Variants in SLC9B1 observed in about 807,000 individuals in gnomAD.
SLC9B1 encodes sodium/hydrogen exchanger 9B1.
SLC9B1 carries 32 observed loss-of-function variants against 51.7 expected under a neutral mutation model. The ratio of observed to expected loss-of-function variants is 0.62; its 90% CI spans 0.47 to 0.83. The LOEUF is 0.83. SLC9B1 is among the 40% of genes least tolerant of loss of function. The pLI is 0.00. For synonymous variants in SLC9B1, 145 were observed against 212.7 expected (o/e 0.68, Z 2.77); for missense variants, 406 against 613.2 (o/e 0.66, Z 3.57).
At chr4:102,973,331 A>T (rs1738860795) in intron 3 of SLC9B1, among the ~76,000 whole-genome samples, 1 of 152,176 alleles carries the variant, frequency 6.6e-6, no homozygotes, top group Non-Finnish European at 1.5e-5. Flanking sequence ...AAGACAAAAA[A>T]CATTCTGAGG....
chr4:102,916,987 G>T (rs1044870734), intron 7 of SLC9B1, among the ~76,000 whole-genome samples: 27 of 152,210 alleles, frequency 1.8e-4, no homozygotes, highest in Non-Finnish European at 3.4e-4. Context: ...TCCTCACTGT[G>T]GGTAGGCATC....
At chr4:102,943,932 A>G (rs1578367980) in intron 6 of SLC9B1, among the ~76,000 whole-genome samples, 1 of 152,228 alleles carries the variant, frequency 6.6e-6, no homozygotes, top group South Asian at 2.1e-4. Context: ...ATGCCCATCA[A>G]TGGTGAACTG....
At chr4:102,906,276 A>G (rs773758787) in intron 10 of SLC9B1, 1 of 214,484 alleles carries the variant, frequency 4.7e-6, no homozygotes. Flanking sequence ...ATCGTATCAA[A>G]TATGTTCCCT....
rs996007221 is a variant in SLC9B1, at chr4:102,941,435, G to A, written c.653+3758C>T. ...CATTAGAGAAATGCAAAACAAAACT[G>A]CAGTGAGATACAACCTCACAGGAGG... On this transcript the variant is annotated intron_variant, in intron 6 of 11. Coordinates refer to ENST00000296422, the MANE Select transcript of SLC9B1 (RefSeq NM_139173.4). 42 of 454,314 alleles carry A rather than the reference G, an allele frequency of 9.2e-5. No individual in the cohort carries two copies. The Admixed American group carries it at 9.7e-4, about 10-fold the overall frequency. 28.1% of individuals were successfully genotyped at this position (454,314 alleles called of 1,614,324 possible).
At chr4:103,006,990 C>T (rs765689267) in intron 1 of SLC9B1, among the ~76,000 whole-genome samples, 1 of 152,112 alleles carries the variant, frequency 6.6e-6, no homozygotes, top group Non-Finnish European at 1.5e-5. Context: ...AAAATAATGT[C>T]GTTTATGACA....
At chr4:102,885,552 G>A (rs1008950028) in intron 11 of SLC9B1, 5 of 771,582 alleles carry the variant, frequency 6.5e-6, no homozygotes, top group Non-Finnish European at 1.1e-5. Context: ...GGTATTGAAA[G>A]ACCATATTCC....
intron 7 of SLC9B1, among the ~76,000 whole-genome samples, chr4:102,924,342 C>T (rs1306029292): frequency 2.6e-5 from 4 of 152,112 alleles, no homozygotes; most frequent in African/African-American, 4.8e-5. Flanking sequence ...GCTGGGAAAA[C>T]GGGCTAGCAA....
chr4:102,889,790 T>A (rs1419911627), intron 11 of SLC9B1: 1 of 152,230 alleles, frequency 6.6e-6, no homozygotes, highest in Non-Finnish European at 1.5e-5. Flanking sequence ...CATTACTTCT[T>A]GTAAATTTAC....
intron 1 of SLC9B1, among the ~76,000 whole-genome samples, chr4:103,014,028 CCTT>C: frequency 6.6e-6 from 1 of 152,236 alleles, no homozygotes; most frequent in East Asian, 1.9e-4. Flanking sequence ...ATGGCAACAA[CCTT>C]CTTAATATTC....
chr4:102,996,294 T>A (rs1462163677), intron 1 of SLC9B1, among the ~76,000 whole-genome samples: 4 of 152,200 alleles, frequency 2.6e-5, no homozygotes, highest in Non-Finnish European at 5.9e-5. Context: ...ATGTAAATCT[T>A]TTATTGGATA....
intron 3 of SLC9B1, among the ~76,000 whole-genome samples, chr4:102,975,459 A>T (rs1461764571): frequency 1.3e-5 from 2 of 151,348 alleles, no homozygotes; most frequent in African/African-American, 4.8e-5. Context: ...ACTGACATTA[A>T]TTTCTGCTTT....
At chr4:102,938,274 A>C (rs925961607) in intron 6 of SLC9B1, among the ~76,000 whole-genome samples, 3 of 152,208 alleles carry the variant, frequency 2.0e-5, no homozygotes, top group African/African-American at 7.2e-5. Context: ...AAAAAGACAA[A>C]GAAGGGCACT....
chr4:102,920,108 C>T (rs570095797), intron 7 of SLC9B1, among the ~76,000 whole-genome samples: 72 of 152,340 alleles, frequency 4.7e-4, no homozygotes, highest in African/African-American at 1.5e-3. Context: ...CAAGTGGGTC[C>T]CTGACCCCTG....
chr4:102,912,338 A>C (rs1402534256), intron 7 of SLC9B1, among the ~76,000 whole-genome samples: 1 of 152,182 alleles, frequency 6.6e-6, no homozygotes, highest in Admixed American at 6.5e-5. Flanking sequence ...TCCTAGAAAC[A>C]TTCAAGGGTC....
intron 6 of SLC9B1, among the ~76,000 whole-genome samples, chr4:102,944,720 A>C (rs1462070586): frequency 6.6e-6 from 1 of 152,246 alleles, no homozygotes; most frequent in African/African-American, 2.4e-5. Context: ...TGGATGGTAG[A>C]TAAAGATGGA....
chr4:102,996,107 TGTG>T (rs763860663), intron 1 of SLC9B1, among the ~76,000 whole-genome samples: 2 of 152,308 alleles, frequency 1.3e-5, no homozygotes, highest in East Asian at 1.9e-4. Flanking sequence ...TTTTAACTGT[TGTG>T]GTGACATTGC....
chr4:102,984,829 CT>C (rs1739532202), intron 3 of SLC9B1, among the ~76,000 whole-genome samples: 1 of 151,956 alleles, frequency 6.6e-6, no homozygotes, highest in Non-Finnish European at 1.5e-5. Context: ...TCTCTTTCTC[CT>C]TATAGTTTTG....
intron 7 of SLC9B1, among the ~76,000 whole-genome samples, chr4:102,916,763 A>T (rs1430159629): frequency 6.6e-6 from 1 of 152,262 alleles, no homozygotes; most frequent in East Asian, 1.9e-4. Flanking sequence ...TGAAATTAGA[A>T]ATTCATAGCA....
intron 3 of SLC9B1, among the ~76,000 whole-genome samples, chr4:102,969,074 G>T (rs376930216): frequency 6.6e-5 from 10 of 152,200 alleles, no homozygotes; most frequent in African/African-American, 2.2e-4. Flanking sequence ...AACGAGGCCT[G>T]GCAGCCTCTG....
Sources: allele counts gnomAD v4.1 joint callset (sites outside exome capture counted in the v4.1 genomes callset), GRCh38; gene constraint gnomAD v4.1.1; transcripts MANE v1.5; gene names NCBI Gene and HGNC (gene_info 2026-07-23, HGNC 2026-07-21).